CCBE1: variants seen among roughly 807,000 people sequenced by gnomAD.
CCBE1 encodes the protein collagen and calcium-binding EGF domain-containing protein 1.
A neutral mutation model predicts 50.0 loss-of-function variants in CCBE1; 37 were observed. The ratio of observed to expected loss-of-function variants is 0.74; its 90% confidence interval spans 0.57 to 0.97. The LOEUF (loss-of-function observed/expected upper bound fraction) is 0.97, where lower values mean the gene tolerates loss of function less well. Among genes scored for constraint, CCBE1 ranks in the 50% least tolerant of loss-of-function variants. The pLI is 0.00. For synonymous variants in CCBE1, 234 were observed against 203.7 expected, an observed-to-expected ratio of 1.15 and a Z score of -1.27; for missense variants, 538 against 523.8, an observed-to-expected ratio of 1.03 and a Z score of -0.26.
At chr18:59,674,265 G>A (rs2054469589) in intron 2 of CCBE1, among the ~76,000 whole-genome samples, 1 of 152,140 alleles carries the variant, frequency 6.6e-6, no homozygotes, top group Admixed American at 6.6e-5. Context: ...GAAAAATGTG[G>A]CACATATACA....
At chr18:59,593,205 T>C (rs553543285) in intron 2 of CCBE1, among the ~76,000 whole-genome samples, 47 of 152,346 alleles carry the variant, frequency 3.1e-4, no homozygotes, top group African/African-American at 1.0e-3. Context: ...TCTGTGTTTT[T>C]AATAAATACC....
chr18:59,575,405 T>A (rs1026241308), intron 2 of CCBE1, among the ~76,000 whole-genome samples: 1 of 152,070 alleles, frequency 6.6e-6, no homozygotes, highest in Non-Finnish European at 1.5e-5. Flanking sequence ...TTCTAGGTTA[T>A]CCACAAAGCT....
At position 59,439,802 on chromosome 18, in the gene CCBE1, T is replaced by G; in HGVS notation, c.790A>C (p.Lys264Gln). 1.9e-6 allele frequency: 3 copies of G among 1,613,924 alleles called. No individual in the cohort carries two copies. Among genetic ancestry groups the G allele is most frequent in the Non-Finnish European group, 2.5e-6 (3 of 1,180,008 alleles). Residue 264 changes from lysine to glutamine, a missense_variant, in exon 8 of 11, where the codon AAG (lysine) becomes CAG (glutamine). Lys to Gln is a moderately conservative substitution (Grantham distance 53). Transcript: ENST00000439986. ...ATACCGGGGAAGCCTGGGCTTCCCT[T>G]TGGTCCTGGTGAGCCTGTAATCAAA... ...GQGPPGSPGPKGSPGFPGMPG... is the reference protein window; with the variant it reads ...GQGPPGSPGPQGSPGFPGMPG...
intron 6 of CCBE1, among the ~76,000 whole-genome samples, chr18:59,453,961 C>T (rs77445731): frequency 0.013 from 2,054 of 152,236 alleles, 54 homozygotes; most frequent in African/African-American, 0.047. Flanking sequence ...GTCAGGCATT[C>T]GGACAGCCTT....
chr18:59,593,374 CT>C (rs537766388), intron 2 of CCBE1, among the ~76,000 whole-genome samples: 142 of 152,270 alleles, frequency 9.3e-4, no homozygotes, highest in Non-Finnish European at 1.6e-3. Flanking sequence ...AGAGTGCATT[CT>C]AGTTTTTATA....
chr18:59,457,982 T>C (rs1911275623), intron 5 of CCBE1, among the ~76,000 whole-genome samples: 1 of 152,256 alleles, frequency 6.6e-6, no homozygotes, highest in Non-Finnish European at 1.5e-5. Context: ...CATGAAAAGA[T>C]GACCCAGGCT....
rs138975683 is a variant in CCBE1, at chr18:59,680,934, T to C, written c.212+15695A>G. Among the ~76,000 whole-genome samples the C allele has an allele frequency of 2.1e-4, 32 of 152,196 alleles. 1 individual carries two copies. The East Asian group carries it at 5.8e-3, about 28-fold the overall frequency. The stretch of plus-strand genomic sequence containing the variant: ...TCATGCTAAACTCAAGTGATACCTT[T>C]TTATTAAGCTGAGACTGCCTAAATA... On this transcript the variant is annotated intron_variant, in intron 2 of 10. Coordinates refer to ENST00000439986, the MANE Select transcript of CCBE1 (RefSeq NM_133459.4).
chr18:59,456,498 G>A (rs1256404277), intron 5 of CCBE1, among the ~76,000 whole-genome samples: 2 of 152,118 alleles, frequency 1.3e-5, no homozygotes, highest in African/African-American at 4.8e-5. Flanking sequence ...TGGAAGCCAA[G>A]GAACACCAAA....
At chr18:59,639,151 C>CA (rs2053952099) in intron 2 of CCBE1, among the ~76,000 whole-genome samples, 2 of 152,118 alleles carry the variant, frequency 1.3e-5, no homozygotes, top group Non-Finnish European at 2.9e-5. Context: ...TGTGCACCTG[C>CA]AGTCCCAGGA....
chr18:59,455,025 A>G, intron 5 of CCBE1, 74 bp from the exon 6 acceptor site: 1 of 1,203,732 alleles, frequency 8.3e-7, no homozygotes, highest in Non-Finnish European at 1.2e-6. Context: ...AGCATCGGGA[A>G]GGGCGGTCCC....
chr18:59,611,687 A>G (rs907813663), intron 2 of CCBE1, among the ~76,000 whole-genome samples: 1 of 152,326 alleles, frequency 6.6e-6, no homozygotes, highest in African/African-American at 2.4e-5. Context: ...CTGAGGTTGC[A>G]GTGAACCAAG....
intron 2 of CCBE1, among the ~76,000 whole-genome samples, chr18:59,519,817 A>C (rs1914523558): frequency 6.6e-6 from 1 of 152,210 alleles, no homozygotes; most frequent in African/African-American, 2.4e-5. Flanking sequence ...CTTACATTTA[A>C]GTCTGTAGTC....
intron 2 of CCBE1, among the ~76,000 whole-genome samples, chr18:59,627,549 G>A (rs1040911407): frequency 7.2e-5 from 11 of 152,158 alleles, no homozygotes; most frequent in African/African-American, 2.4e-4. Context: ...GTTAAGATGA[G>A]GTCACACTGG....
intron 2 of CCBE1, among the ~76,000 whole-genome samples, chr18:59,633,388 G>A (rs1343727895): frequency 2.0e-5 from 3 of 152,180 alleles, no homozygotes; most frequent in African/African-American, 2.4e-5. Flanking sequence ...GAGAATCACT[G>A]CAGATCATTT....
chr18:59,436,151 T>A lies in CCBE1; in HGVS notation c.988-10A>T. 1.9e-6 allele frequency: 3 copies of A among 1,613,006 alleles called. No individual in the cohort carries two copies. The highest frequency in any genetic ancestry group is 1.7e-6 in the Non-Finnish European group (2 of 1,179,146). ...AAGAACCAGGGGGTCCCTGTGTACA[T>A]GGGAGGAATCAAAGCTAGAATACGA... On this transcript the variant is annotated splice_polypyrimidine_tract_variant and intron_variant, in intron 10 of 10. Transcript: ENST00000439986.
At chr18:59,473,701 C>CT (rs1912151881) in intron 3 of CCBE1, among the ~76,000 whole-genome samples, 2 of 6,678 alleles carry the variant, frequency 3.0e-4, no homozygotes, top group Non-Finnish European at 6.5e-4. Context: ...CCTCCCACTA[C>CT]TCCCCCCCTA....
At chr18:59,614,773 G>A (rs570023471) in intron 2 of CCBE1, among the ~76,000 whole-genome samples, 12 of 152,352 alleles carry the variant, frequency 7.9e-5, no homozygotes, top group Admixed American at 2.6e-4. Context: ...AGCTGAGGAC[G>A]CAGTCCTCCT....
intron 2 of CCBE1, among the ~76,000 whole-genome samples, chr18:59,490,412 G>C (rs1005022222): frequency 3.2e-5 from 4 of 123,760 alleles, no homozygotes; most frequent in African/African-American, 1.3e-4. Context: ...CATATTTTCT[G>C]AATTTTCTAT....
intron 2 of CCBE1, among the ~76,000 whole-genome samples, chr18:59,655,455 G>A (rs1392016697): frequency 6.6e-6 from 1 of 151,986 alleles, no homozygotes; most frequent in African/African-American, 2.4e-5. Flanking sequence ...AGCTTCAAGG[G>A]CTTATTAAAA....
Sources: gnomAD v4.1 joint callset for allele counts (sites outside exome capture counted in the v4.1 genomes callset) on GRCh38, gnomAD v4.1.1 for gene constraint, MANE v1.5 for transcripts, NCBI Gene and HGNC (gene_info 2026-07-23, HGNC 2026-07-21) for gene names.